The following TBC1D1 variants were observed in gnomAD, a reference collection of about 807,000 sequenced individuals.
The protein encoded by TBC1D1 is TBC1 domain family member 1.
A neutral mutation model predicts 125.6 loss-of-function variants in TBC1D1; 89 were observed. That is an observed-to-expected ratio of 0.71 (90% CI 0.60 to 0.85). TBC1D1 has a LOEUF of 0.85. TBC1D1 is among the 40% of genes least tolerant of loss of function. TBC1D1 has a pLI of 0.00. For missense variants in TBC1D1, 1,377 were observed against 1,469.2 expected, an observed-to-expected ratio of 0.94 and a Z score of 1.03; for synonymous variants, 565 against 564.1, an observed-to-expected ratio of 1.00 and a Z score of -0.02.
In TBC1D1 at chr4:38,049,848, G is replaced by A; in HGVS notation, c.1860G>A (p.Arg620=). The A allele has an allele frequency of 6.2e-7, 1 of 1,614,086 alleles. No homozygotes were observed. The highest frequency in any genetic ancestry group is 8.5e-7 in the Non-Finnish European group (1 of 1,180,014). The change falls in exon 11 of 20, where the codon AGG becomes AGA. Residue 620 remains arginine, a synonymous_variant. Coordinates refer to ENST00000261439, the MANE Select transcript of TBC1D1 (RefSeq NM_015173.4). ...GGGGGTCCCCGGGGGTTTCGCAAAG[G>A]AAACTTATGAGGTATCACTCAGTGA...
intron 7 of TBC1D1, among the ~76,000 whole-genome samples, chr4:38,033,567 A>G (rs1290675075): frequency 6.6e-6 from 1 of 152,186 alleles, no homozygotes; most frequent in Non-Finnish European, 1.5e-5. Flanking sequence ...GATATTAACT[A>G]AAGTTCATGG....
chr4:38,030,891 ACT>A (rs1745993326), intron 7 of TBC1D1, among the ~76,000 whole-genome samples: 2 of 152,200 alleles, frequency 1.3e-5, no homozygotes, highest in African/African-American at 4.8e-5. Flanking sequence ...AAAAAATGGA[ACT>A]CTAACAGCTA....
chr4:37,893,829 C>T (rs1041713045), intron 1 of TBC1D1, among the ~76,000 whole-genome samples: 1 of 152,152 alleles, frequency 6.6e-6, no homozygotes, highest in Non-Finnish European at 1.5e-5. Flanking sequence ...GTTTGTATCC[C>T]TGTAGTGATG....
chr4:38,052,728 G>A (rs10648460), intron 11 of TBC1D1, among the ~76,000 whole-genome samples: 8,917 of 118,154 alleles, frequency 0.075, 349 homozygotes, highest in East Asian at 0.17. Flanking sequence ...GCGCGCGCGC[G>A]CACACACACA....
At chr4:38,116,629 G>A (rs979805570) in intron 16 of TBC1D1, among the ~76,000 whole-genome samples, 2 of 152,224 alleles carry the variant, frequency 1.3e-5, no homozygotes, top group African/African-American at 4.8e-5. Flanking sequence ...TGCGTGGGTT[G>A]AAGTAGGCAC....
At chr4:38,043,780 G>A (rs915677300) in intron 8 of TBC1D1, among the ~76,000 whole-genome samples, 2 of 152,154 alleles carry the variant, frequency 1.3e-5, no homozygotes, top group Admixed American at 1.3e-4. Flanking sequence ...ACGCAAGAAA[G>A]CAAGAGATCT....
intron 1 of TBC1D1, among the ~76,000 whole-genome samples, chr4:37,895,170 A>C (rs920996719): frequency 6.6e-6 from 1 of 152,212 alleles, no homozygotes; most frequent in Non-Finnish European, 1.5e-5. Flanking sequence ...CTGTGCCACT[A>C]TTCAATGATA....
chr4:38,088,624 G>C (rs1419483773), intron 12 of TBC1D1, among the ~76,000 whole-genome samples: 1 of 152,074 alleles, frequency 6.6e-6, no homozygotes, highest in East Asian at 1.9e-4. Flanking sequence ...GTAAAGATAT[G>C]ATAGCAAACA....
chr4:38,015,153 C>G (rs1453619998), intron 3 of TBC1D1, among the ~76,000 whole-genome samples, 180 bp downstream of exon 3: 2 of 152,162 alleles, frequency 1.3e-5, no homozygotes, highest in Non-Finnish European at 2.9e-5. Flanking sequence ...TAAGCCTTTA[C>G]AGTCATCAGG....
At chr4:37,991,986 T>C (rs1315730637) in intron 2 of TBC1D1, among the ~76,000 whole-genome samples, 1 of 152,200 alleles carries the variant, frequency 6.6e-6, no homozygotes, top group African/African-American at 2.4e-5. Flanking sequence ...CGAAACATGT[T>C]TGGTACAAAC....
intron 2 of TBC1D1, among the ~76,000 whole-genome samples, chr4:37,944,324 C>T (rs752525341): frequency 4.6e-5 from 7 of 152,174 alleles, no homozygotes; most frequent in Non-Finnish European, 8.8e-5. Context: ...CTCAGATCTC[C>T]AGCTGCCTGC....
chr4:38,039,262 T>C (rs139993395), intron 8 of TBC1D1, among the ~76,000 whole-genome samples: 13,801 of 150,964 alleles, frequency 0.091, 1,484 homozygotes, highest in African/African-American at 0.26. Flanking sequence ...GGACTACAGG[T>C]GCCTGCCACC....
At chr4:38,100,112 T>G (rs1357605661) in intron 14 of TBC1D1, among the ~76,000 whole-genome samples, 4 of 152,006 alleles carry the variant, frequency 2.6e-5, no homozygotes, top group Non-Finnish European at 5.9e-5. Context: ...GTGGGGAGGG[T>G]GTGCGTGTGT....
chr4:38,096,736 G>A (rs1158961012), intron 14 of TBC1D1, among the ~76,000 whole-genome samples: 2 of 152,126 alleles, frequency 1.3e-5, no homozygotes, highest in African/African-American at 4.8e-5. Flanking sequence ...TTTTGGAAAT[G>A]TTTCCAGCAA....
Position 38,030,230 on chromosome 4 carries a change from A to G in TBC1D1, c.1302+2351A>G, listed in dbSNP as rs139963286. On this transcript the variant is annotated intron_variant, in intron 7 of 19. Transcript: ENST00000261439. ...GATGTTCCTAATGGATATGATTCCAAGATTCTCTTTGACTCATGCAGGCTT... is the reference window on the plus strand; with the variant it reads ...GATGTTCCTAATGGATATGATTCCAGGATTCTCTTTGACTCATGCAGGCTT... 2.2e-3 allele frequency among the ~76,000 whole-genome samples: 331 copies of G among 152,372 alleles called. 1 individual carries two copies. The highest frequency in any genetic ancestry group is 7.4e-3 in the African/African-American group (307 of 41,592).
At chr4:38,112,344 C>G (rs1021963356) in intron 15 of TBC1D1, among the ~76,000 whole-genome samples, 20 of 152,162 alleles carry the variant, frequency 1.3e-4, no homozygotes, top group African/African-American at 4.8e-4. Context: ...CAAAGTTGTT[C>G]CTTTACTTTA....
At chr4:37,907,090 C>T (rs1717504217) in intron 2 of TBC1D1, among the ~76,000 whole-genome samples, 1 of 152,136 alleles carries the variant, frequency 6.6e-6, no homozygotes, top group Admixed American at 6.5e-5. Context: ...TTTCAAATCT[C>T]CTTAATGTCT....
intron 17 of TBC1D1, among the ~76,000 whole-genome samples, chr4:38,120,808 A>G (rs1763719492): frequency 7.2e-5 from 11 of 152,028 alleles, no homozygotes. Context: ...TGCTCTGTTC[A>G]CTTTCTCATC....
chr4:37,939,599 T>C (rs572282952), intron 2 of TBC1D1, among the ~76,000 whole-genome samples: 1 of 152,356 alleles, frequency 6.6e-6, no homozygotes, highest in Non-Finnish European at 1.5e-5. Context: ...TCCTTGCCCA[T>C]GCCTATGTCC....
Sources: allele counts gnomAD v4.1 joint callset (sites outside exome capture counted in the v4.1 genomes callset), GRCh38; gene constraint gnomAD v4.1.1; transcripts MANE v1.5; gene names NCBI Gene and HGNC (gene_info 2026-07-23, HGNC 2026-07-21).